EXO5: variants seen among roughly 807,000 people sequenced by gnomAD.
EXO5 encodes exonuclease 5.
A neutral mutation model predicts 17.8 loss-of-function variants in EXO5; 11 were observed. That is an observed-to-expected ratio of 0.62 (90% confidence interval 0.39 to 1.02). EXO5 has a LOEUF of 1.02. Among genes scored for constraint, EXO5 ranks in the 50% least tolerant of loss-of-function variants. The probability of loss-of-function intolerance (pLI) is 0.00; values close to 1 mark genes in which losing one functional copy is unlikely to be tolerated. For missense variants in EXO5, 364 were observed against 434.8 expected (o/e 0.84, Z 1.45); for synonymous variants, 147 against 166.5 (o/e 0.88, Z 0.90).
In EXO5 at chr1:40,515,092, A is replaced by T; in HGVS notation, c.548A>T (p.Glu183Val). The change falls in exon 4 of 4, where the codon GAG (glutamate) becomes GTG (valine). Residue 183 changes from glutamate to valine, a missense_variant. Physicochemically the swap from Glu to Val is moderately radical, Grantham distance 121 (BLOSUM62 -2). Coordinates refer to ENST00000415550, the MANE Select transcript of EXO5 (RefSeq NM_001346953.2). ...GTACTTCTTGTTGGAGTGATTGATG[A>T]GCTGCACTATACAGCCAAGGGGGAA... ...EGVLLVGVID[E>V]LHYTAKGELE... 1 of 1,614,090 alleles carries T rather than the reference A, an allele frequency of 6.2e-7. No homozygotes were observed. The highest frequency in any genetic ancestry group is 8.5e-7 in the Non-Finnish European group (1 of 1,180,000).
rs750215357 is a variant in EXO5 at position 40,514,819 on chromosome 1, G to A, written c.275G>A (p.Cys92Tyr). The A allele has an allele frequency of 3.1e-6, 5 of 1,614,200 alleles. No homozygotes were observed. Among genetic ancestry groups the A allele is most frequent in the South Asian group, 1.1e-5 (1 of 91,082 alleles). ...ACTGACCTGGCTACTCAGAACTGGT[G>A]TGAACTGCAAACAGCATATGGGAAG... is the stretch of plus-strand genomic sequence containing the variant. The part of the protein sequence containing the change: ...YVTDLATQNW[C>Y]ELQTAYGKEL... The change falls in exon 4 of 4, where the codon TGT (cysteine) becomes TAT (tyrosine). Residue 92 changes from cysteine (C) to tyrosine (Y), a missense_variant. Transcript: ENST00000415550.
chr1:40,514,543 C>T lies in EXO5; in HGVS notation c.-2C>T, dbSNP rs776213369. The T allele has an allele frequency of 6.2e-7, 1 of 1,611,464 alleles. No homozygotes were observed. The highest frequency in any genetic ancestry group is 1.1e-5 in the South Asian group (1 of 90,770). On this transcript the variant is annotated 5_prime_UTR_variant, in exon 4 of 4. Coordinates refer to ENST00000415550, the MANE Select transcript of EXO5 (RefSeq NM_001346953.2). ...CCTTCTAGCCCAATCCAGAGCTGTACCATGGCAGAGACAAGAGAAGAGGAG... is the reference window on the plus strand; with the variant it reads ...CCTTCTAGCCCAATCCAGAGCTGTATCATGGCAGAGACAAGAGAAGAGGAG...
chr1:40,512,528 A>C (rs937663552), intron 3 of EXO5, among the ~76,000 whole-genome samples: 1 of 152,234 alleles, frequency 6.6e-6, no homozygotes, highest in Non-Finnish European at 1.5e-5. Flanking sequence ...GCAAAATGTC[A>C]ACAGTTGTTC....
rs777152847 is a variant in EXO5, at chr1:40,515,117, A to G, written c.573A>G (p.Glu191=). The G allele has an allele frequency of 6.8e-6, 11 of 1,614,002 alleles. No individual in the cohort carries two copies. In the African/African-American group the frequency reaches 1.3e-4, roughly 20 times the overall value. Residue 191 remains glutamate (E), a synonymous_variant, in exon 4 of 4, where the codon GAA becomes GAG. Transcript: ENST00000415550. ...IDELHYTAKG[E]LELAELKTRR... is the part of the protein sequence containing the mutation. The stretch of plus-strand genomic sequence containing the variant: ...AGCTGCACTATACAGCCAAGGGGGA[A>G]CTGGAGCTGGCGGAACTCAAGACAC...
At chr1:40,510,193 ACT>A (rs1645746921) in intron 3 of EXO5, among the ~76,000 whole-genome samples, 1 of 78,178 alleles carries the variant, frequency 1.3e-5, no homozygotes, top group Non-Finnish European at 3.8e-5. Context: ...GTTTTTACTT[ACT>A]TTTTTTTTTT....
chr1:40,511,505 AC>A (rs1645776805), intron 3 of EXO5, among the ~76,000 whole-genome samples: 1 of 152,208 alleles, frequency 6.6e-6, no homozygotes, highest in Non-Finnish European at 1.5e-5. Context: ...ATTGCAGATA[AC>A]TTTTCTTCTA....
Position 40,515,977 on chromosome 1 carries a change from C to A in EXO5, c.*311C>A. 1 of 280,768 alleles carries A rather than the reference C, an allele frequency of 3.6e-6. No individual in the cohort carries two copies. The highest frequency in any genetic ancestry group is 7.1e-6 in the Non-Finnish European group (1 of 140,222). 17.4% of individuals were successfully genotyped at this position (280,768 alleles called of 1,614,324 possible). ...ATTCTTCAGTTTCTGATAAGTCATC[C>A]CTATTTTTATCTTGATCAAGGCTTT... is the stretch of plus-strand genomic sequence containing the variant. On this transcript the variant is annotated 3_prime_UTR_variant, in exon 4 of 4. Coordinates refer to ENST00000415550, the MANE Select transcript of EXO5 (RefSeq NM_001346953.2).
At position 40,514,591 on chromosome 1, in the gene EXO5, G is replaced by A. The variant is rs1645843251; in HGVS notation, c.47G>A (p.Gly16Glu). ...GAGACAGTGTCAGCAGAAGCCTCAG[G>A]GTTCTCAGACTTGAGTGACTCAGAG... ...EEETVSAEASGFSDLSDSEFL... is the reference protein window; with the variant it reads ...EEETVSAEASEFSDLSDSEFL... Residue 16 changes from glycine (G) to glutamate (E), a missense_variant, in exon 4 of 4, where the codon GGG becomes GAG. Coordinates refer to ENST00000415550, the MANE Select transcript of EXO5 (RefSeq NM_001346953.2). 5 of 1,614,108 alleles carry A rather than the reference G, an allele frequency of 3.1e-6. No individual in the cohort carries two copies. Among genetic ancestry groups the A allele is most frequent in the Non-Finnish European group, 4.2e-6 (5 of 1,180,016 alleles).
intron 3 of EXO5, among the ~76,000 whole-genome samples, chr1:40,510,859 TG>T (rs1329111694): frequency 2.0e-5 from 3 of 152,238 alleles, no homozygotes; most frequent in African/African-American, 7.2e-5. Context: ...TCTAGATATT[TG>T]AAATAAAATA....
rs1645883932 is a variant in EXO5, at chr1:40,515,894, G to C, written c.*228G>C. 2 of 464,928 alleles carry C rather than the reference G, an allele frequency of 4.3e-6. No individual in the cohort carries two copies. The highest frequency in any genetic ancestry group is 7.8e-6 in the Non-Finnish European group (2 of 255,960). The allele number at this position is 464,928 out of a possible 1,614,324, so 28.8% of individuals were successfully genotyped here. A position where few individuals can be genotyped will look rare whatever the true frequency, so the allele number is the denominator to read the frequency against. On this transcript the variant is annotated 3_prime_UTR_variant, in exon 4 of 4. Transcript: ENST00000415550. The stretch of plus-strand genomic sequence containing the variant: ...TTCATCATGATTGCCTGAGAAGACA[G>C]ATGCTCATCATGGCTGGAATGAAGG...
chr1:40,512,301 A>G (rs1645794160), intron 3 of EXO5, among the ~76,000 whole-genome samples: 1 of 152,236 alleles, frequency 6.6e-6, no homozygotes, highest in Admixed American at 6.5e-5. Flanking sequence ...GGAAATTTAT[A>G]TATGAACTGG....
At position 40,515,090 on chromosome 1, in the gene EXO5, T is replaced by G; in HGVS notation, c.546T>G (p.Asp182Glu). The change falls in exon 4 of 4, where the codon GAT becomes GAG. Residue 182 changes from aspartate (D) to glutamate (E), a missense_variant. By Grantham distance (45) the Asp-to-Glu change is conservative (BLOSUM62 2). Coordinates refer to ENST00000415550, the MANE Select transcript of EXO5 (RefSeq NM_001346953.2). The stretch of plus-strand genomic sequence containing the variant: ...GTGTACTTCTTGTTGGAGTGATTGA[T>G]GAGCTGCACTATACAGCCAAGGGGG... Reference protein sequence around the residue: ...GEGVLLVGVIDELHYTAKGEL... With the variant: ...GEGVLLVGVIEELHYTAKGEL... 6.2e-7 allele frequency: 1 copy of G among 1,614,136 alleles called. No homozygotes were observed. The highest frequency in any genetic ancestry group is 8.5e-7 in the Non-Finnish European group (1 of 1,180,010).
chr1:40,509,377 A>G (rs1321788165), intron 1 of EXO5, 74 bp from the exon 2 acceptor site: 2 of 152,268 alleles, frequency 1.3e-5, no homozygotes, highest in Non-Finnish European at 2.9e-5. Flanking sequence ...CTGGGTTGAG[A>G]ATGGAGCTGG....
rs1438933642 is a variant in EXO5, at chr1:40,515,337, G to C, written c.793G>C (p.Val265Leu). 2.0e-5 allele frequency: 32 copies of C among 1,603,392 alleles called. No homozygotes were observed. The highest frequency in any genetic ancestry group is 2.8e-5 in the East Asian group (1 of 35,694). Residue 265 changes from valine to leucine, a missense_variant, in exon 4 of 4, where the codon GTG becomes CTG. Coordinates refer to ENST00000415550, the MANE Select transcript of EXO5 (RefSeq NM_001346953.2). Reference sequence around the variant, plus strand: ...GCATGCCCAGCAGGGAGGCTTCTCTGTGAAGTCTTTGGGTGACCTCATGGA... The same window carrying C: ...GCATGCCCAGCAGGGAGGCTTCTCTCTGAAGTCTTTGGGTGACCTCATGGA... ...LRHAQQGGFS[V>L]KSLGDLMELV...
At chr1:40,510,878 G>A (rs183776479) in intron 3 of EXO5, among the ~76,000 whole-genome samples, 154 of 152,288 alleles carry the variant, frequency 1.0e-3, no homozygotes, top group African/African-American at 3.6e-3. Flanking sequence ...ATATTTTAAG[G>A]TTATTGATTT....
rs749167364 is a variant in EXO5 at position 40,515,700 on chromosome 1, C to T, written c.*34C>T. On this transcript the variant is annotated 3_prime_UTR_variant, in exon 4 of 4. Coordinates refer to ENST00000415550, the MANE Select transcript of EXO5 (RefSeq NM_001346953.2). ...TATGCTTTCAAGAATGTTGATCCTTCCTGCTCCTGTTGTACCTAAGCAAAA... is the reference window on the plus strand; with the variant it reads ...TATGCTTTCAAGAATGTTGATCCTTTCTGCTCCTGTTGTACCTAAGCAAAA... 6 of 1,581,072 alleles carry T rather than the reference C, an allele frequency of 3.8e-6. No homozygotes were observed. The highest frequency in any genetic ancestry group is 4.3e-6 in the Non-Finnish European group (5 of 1,163,786).
chr1:40,508,907 A>C lies in EXO5; in HGVS notation c.-265A>C, dbSNP rs541326763. On this transcript the variant is annotated splice_region_variant and 5_prime_UTR_variant, in exon 1 of 4. Transcript: ENST00000415550. The surrounding 1 kb of genome is among the most constrained non-coding windows in gnomAD (Gnocchi z 4.2). ...AGTCCGAGGTTCGGAGGAGTATCAG[A>C]GGTTAGGGGAAGGCCGGAGAATGGG... 3 of 152,310 alleles carry C rather than the reference A, an allele frequency of 2.0e-5. No individual in the cohort carries two copies. The highest frequency in any genetic ancestry group is 7.2e-5 in the African/African-American group (3 of 41,552). The allele number at this position is 152,310 out of a possible 1,614,324, so 9.4% of individuals were successfully genotyped here.
rs1263400122 is a variant in EXO5 at position 40,515,515 on chromosome 1, C to T, written c.971C>T (p.Ala324Val). The T allele has an allele frequency of 6.2e-7, 1 of 1,608,700 alleles. No homozygotes were observed. The highest frequency in any genetic ancestry group is 1.1e-5 in the South Asian group (1 of 90,726). Residue 324 changes from alanine to valine, a missense_variant, in exon 4 of 4, where the codon GCC becomes GTC. Physicochemically the swap from Ala to Val is moderately conservative, Grantham distance 64. Coordinates refer to ENST00000415550, the MANE Select transcript of EXO5 (RefSeq NM_001346953.2). ...EVRAKVQHYM[A>V]YWMGHREPQG... ...AGAGCCAAGGTGCAGCATTATATGG[C>T]CTACTGGATGGGCCACCGAGAGCCC...
chr1:40,515,394 C>T lies in EXO5; in HGVS notation c.850C>T (p.Leu284Phe). The T allele has an allele frequency of 6.2e-7, 1 of 1,613,920 alleles. No individual in the cohort carries two copies. The change falls in exon 4 of 4, where the codon CTC becomes TTC. Residue 284 changes from leucine (L) to phenylalanine (F), a missense_variant. Physicochemically the swap from Leu to Phe is conservative, Grantham distance 22. Transcript: ENST00000415550. ...LVFLSLTLSD[L>F]PVIDILKIEY... ...CTTCTTGTCTCTAACACTGTCAGAC[C>T]TCCCAGTTATTGATATCTTGAAGAT...
Sources: gnomAD v4.1 joint callset for allele counts (sites outside exome capture counted in the v4.1 genomes callset) on GRCh38, gnomAD v4.1.1 for gene constraint, Gnocchi (gnomAD v3.1) non-coding constraint, MANE v1.5 for transcripts, NCBI Gene and HGNC (gene_info 2026-07-23, HGNC 2026-07-21) for gene names.